Variants in SAR1A observed in about 807,000 individuals in gnomAD.
SAR1A encodes secretion associated Ras related GTPase 1A.
In SAR1A, 6 loss-of-function variants were observed where a neutral mutation model predicts 22.6. That is an observed-to-expected ratio of 0.27 (90% confidence interval 0.15 to 0.52). SAR1A has a LOEUF of 0.52. SAR1A is among the 20% of genes least tolerant of loss of function. The probability of loss-of-function intolerance (pLI) is 0.96; values close to 1 mark genes in which losing one functional copy is unlikely to be tolerated. For missense variants in SAR1A, 145 were observed against 245.1 expected, an observed-to-expected ratio of 0.59 and a Z score of 2.73; for synonymous variants, 70 against 82.2, an observed-to-expected ratio of 0.85 and a Z score of 0.80.
chr10:70,169,344 C>T (rs1302889679), intron 1 of SAR1A, among the ~76,000 whole-genome samples: 1 of 151,914 alleles, frequency 6.6e-6, no homozygotes, highest in Non-Finnish European at 1.5e-5. Flanking sequence ...TTCCTTACAA[C>T]TCATCACATC....
At position 70,148,362 on chromosome 10, in the gene SAR1A, A is replaced by T. The variant is rs145790662; in HGVS notation, c.*4114T>A. ...ACCTGCTAGAGAAAGGAAAACGATT[A>T]TCCATGATAGTATGAGGCAGGAATA... On this transcript the variant is annotated 3_prime_UTR_variant, in exon 7 of 7. Transcript: ENST00000373241. The T allele has an allele frequency of 3.9e-5, 6 of 152,374 alleles. No individual in the cohort carries two copies. Among genetic ancestry groups the T allele is most frequent in the Non-Finnish European group, 7.3e-5 (5 of 68,058 alleles). 9.4% of individuals were successfully genotyped at this position (152,374 alleles called of 1,614,324 possible). A position where few individuals can be genotyped will look rare whatever the true frequency, so the allele number is the denominator to read the frequency against.
At chr10:70,152,629 C>T (rs1419183930) in intron 6 of SAR1A, 37 bp from the exon 7 acceptor site, 9 of 1,321,672 alleles carry the variant, frequency 6.8e-6, no homozygotes, top group Non-Finnish European at 9.9e-6. Flanking sequence ...CTGTTAGCAT[C>T]TCTGTGGTGG....
At chr10:70,154,197 T>G (rs1389375316) in intron 5 of SAR1A, among the ~76,000 whole-genome samples, 1 of 152,138 alleles carries the variant, frequency 6.6e-6, no homozygotes, top group Non-Finnish European at 1.5e-5. Flanking sequence ...AGTTGCAACT[T>G]TATTCTATTT....
At chr10:70,158,527 C>A (rs1430357301) in intron 4 of SAR1A, among the ~76,000 whole-genome samples, 1 of 152,090 alleles carries the variant, frequency 6.6e-6, no homozygotes, top group African/African-American at 2.4e-5. Context: ...ACGATAAAGG[C>A]TGGGAAGCAG....
intron 1 of SAR1A, among the ~76,000 whole-genome samples, chr10:70,169,342 A>C (rs977584834): frequency 2.0e-5 from 3 of 152,052 alleles, no homozygotes; most frequent in African/African-American, 7.2e-5. Context: ...TCTTCCTTAC[A>C]ACTCATCACA....
chr10:70,154,773 A>T (rs1200169923), intron 5 of SAR1A, among the ~76,000 whole-genome samples: 3 of 152,154 alleles, frequency 2.0e-5, no homozygotes, highest in Non-Finnish European at 4.4e-5. Flanking sequence ...ATTTATGTTA[A>T]CAAAGCCAAG....
intron 4 of SAR1A, among the ~76,000 whole-genome samples, chr10:70,159,334 G>A (rs145650319): frequency 6.6e-5 from 10 of 152,208 alleles, no homozygotes; most frequent in African/African-American, 2.4e-4. Flanking sequence ...TGAAATCACT[G>A]ACTATAAAAT....
At chr10:70,152,723 G>A (rs1839339834) in intron 6 of SAR1A, 131 bp from the exon 7 acceptor site, 5 of 685,192 alleles carry the variant, frequency 7.3e-6, no homozygotes, top group Middle Eastern at 2.9e-4. Flanking sequence ...CAGAAATGTG[G>A]TCAAGGCCAT....
At chr10:70,166,407 A>C (rs2136723051) in intron 1 of SAR1A, among the ~76,000 whole-genome samples, 1 of 152,374 alleles carries the variant, frequency 6.6e-6, no homozygotes, top group East Asian at 1.9e-4. Context: ...AATAGAAAAT[A>C]AGAATGAAAA....
rs373305846 is a variant in SAR1A at position 70,161,969 on chromosome 10, G to A, written c.-16-38C>T. The A allele has an allele frequency of 9.9e-5, 140 of 1,409,114 alleles. No individual in the cohort carries two copies. In the African/African-American group the frequency reaches 1.8e-3, roughly 18 times the overall value. The allele number at this position is 1,409,114 out of a possible 1,614,324, so 87.3% of individuals were successfully genotyped here. A position where few individuals can be genotyped will look rare whatever the true frequency, so the allele number is the denominator to read the frequency against. ...TGAAAGTAGCAAACATTAGCTTTCT[G>A]AATGACAGTACAATTGTGGAGAGGT... On this transcript the variant is annotated intron_variant, in intron 1 of 6. Transcript: ENST00000373241.
intron 5 of SAR1A, among the ~76,000 whole-genome samples, chr10:70,155,397 C>G (rs76215111): frequency 0.037 from 5,570 of 151,930 alleles, 124 homozygotes; most frequent in East Asian, 0.062. Context: ...GGAAAGCTAG[C>G]GGGGAAAGCA....
In SAR1A at chr10:70,161,719, T is replaced by C; in HGVS notation, c.78A>G (p.Gly26=). The change falls in exon 3 of 7, where the codon GGA becomes GGG. Residue 26 remains glycine, a synonymous_variant. Coordinates refer to ENST00000373241, the MANE Select transcript of SAR1A (RefSeq NM_020150.5). The part of the protein sequence containing the change: ...LQFLGLYKKS[G]KLVFLGLDNA... ...TATCCAAACCTAAGAATACAAGTTT[T>C]CCAGATTTCTTGTACAGTCCTAAAA... 3 of 1,613,896 alleles carry C rather than the reference T, an allele frequency of 1.9e-6. No homozygotes were observed. Among genetic ancestry groups the C allele is most frequent in the Non-Finnish European group, 2.5e-6 (3 of 1,180,030 alleles).
At chr10:70,166,727 C>T (rs1839556532) in intron 1 of SAR1A, 1 of 151,284 alleles carries the variant, frequency 6.6e-6, no homozygotes, top group South Asian at 2.1e-4. Flanking sequence ...TGGCTCACAC[C>T]TGTAATCCCA....
intron 1 of SAR1A, among the ~76,000 whole-genome samples, chr10:70,169,489 A>G (rs1456905912): frequency 6.6e-6 from 1 of 152,254 alleles, no homozygotes; most frequent in Non-Finnish European, 1.5e-5. Context: ...CTATTAATGT[A>G]CCTAAAATGA....
Position 70,164,524 on chromosome 10 carries a change from T to G in SAR1A, c.-16-2593A>C, listed in dbSNP as rs147008602. Among the ~76,000 whole-genome samples, 548 of 152,322 alleles carry G rather than the reference T, an allele frequency of 3.6e-3. 6 individuals carry two copies. Among genetic ancestry groups the G allele is most frequent in the African/African-American group, 0.013 (523 of 41,566 alleles). On this transcript the variant is annotated intron_variant, in intron 1 of 6. Coordinates refer to ENST00000373241, the MANE Select transcript of SAR1A (RefSeq NM_020150.5). Reference sequence around the variant, plus strand: ...ACAGCCAACAATATGTACTTAAAAGTTGCACTACTGCAGAATGGGTGTATT... The same window carrying G: ...ACAGCCAACAATATGTACTTAAAAGGTGCACTACTGCAGAATGGGTGTATT...
intron 6 of SAR1A, among the ~76,000 whole-genome samples, chr10:70,153,510 C>A (rs1839352574): frequency 6.6e-6 from 1 of 151,640 alleles, no homozygotes; most frequent in Non-Finnish European, 1.5e-5. Context: ...AAACTCCAGT[C>A]CAAAAAAAAA....
intron 6 of SAR1A, 140 bp downstream of exon 6, chr10:70,153,698 G>A (rs1839354269): frequency 1.7e-6 from 1 of 586,738 alleles, no homozygotes; most frequent in Non-Finnish European, 2.8e-6. Flanking sequence ...TGCCTCTAGT[G>A]AGCTTACAAA....
At chr10:70,157,552 T>A in intron 5 of SAR1A, 1 of 510,728 alleles carries the variant, frequency 2.0e-6, no homozygotes, top group Non-Finnish European at 3.5e-6. Context: ...AAACAACAGT[T>A]AATTTATTTA....
Position 70,152,533 on chromosome 10 carries a change from C to G in SAR1A, c.540G>C (p.Val180=). ...ARPMEVFMCS[V]LKRQGYGEGF... Reference sequence around the variant, plus strand: ...CCTCGCCGTAACCTTGCCTCTTGAGCACACTGCACATGAACACTTCCATGG... The same window carrying G: ...CCTCGCCGTAACCTTGCCTCTTGAGGACACTGCACATGAACACTTCCATGG... Residue 180 remains valine (V), a synonymous_variant, in exon 7 of 7, where the codon GTG becomes GTC. Transcript: ENST00000373241. The G allele has an allele frequency of 6.2e-7, 1 of 1,614,164 alleles. No individual in the cohort carries two copies. Among genetic ancestry groups the G allele is most frequent in the Non-Finnish European group, 8.5e-7 (1 of 1,180,016 alleles).
Sources: gnomAD v4.1 joint callset for allele counts (sites outside exome capture counted in the v4.1 genomes callset) on GRCh38, gnomAD v4.1.1 for gene constraint, MANE v1.5 for transcripts, NCBI Gene and HGNC (gene_info 2026-07-23, HGNC 2026-07-21) for gene names.